GLRB: variants seen among roughly 807,000 people sequenced by gnomAD.
GLRB encodes the protein glycine receptor subunit beta.
In GLRB, 33 loss-of-function variants were observed where a neutral mutation model predicts 54.2. The ratio of observed to expected loss-of-function variants is 0.61; its 90% confidence interval spans 0.46 to 0.81. The LOEUF (loss-of-function observed/expected upper bound fraction) is 0.81, where lower values mean the gene tolerates loss of function less well. GLRB is among the 40% of genes least tolerant of loss of function. The pLI is 0.00. For synonymous variants in GLRB, 209 were observed against 208.2 expected (o/e 1.00, Z -0.03); for missense variants, 572 against 584.6 (o/e 0.98, Z 0.22).
At chr4:157,121,094 C>G (rs771210396) in intron 3 of GLRB, among the ~76,000 whole-genome samples, 11 of 151,504 alleles carry the variant, frequency 7.3e-5, no homozygotes, top group Non-Finnish European at 1.2e-4. Flanking sequence ...TAGAGTCTTT[C>G]TTACTTTTTG....
intron 9 of GLRB, among the ~76,000 whole-genome samples, chr4:157,163,496 A>C (rs1737592936): frequency 6.6e-6 from 1 of 151,690 alleles, no homozygotes; most frequent in Non-Finnish European, 1.5e-5. Context: ...TGGCCCCCTC[A>C]CCTCTTGGAC....
chr4:157,102,303 A>G (rs1487504290), intron 2 of GLRB, among the ~76,000 whole-genome samples: 5 of 152,322 alleles, frequency 3.3e-5, no homozygotes, highest in African/African-American at 4.8e-5. Context: ...TTCATCTTGT[A>G]TAATTAAAAC....
chr4:157,157,497 C>T lies in GLRB; in HGVS notation c.1197+4487C>T, dbSNP rs192795353. 7.2e-5 allele frequency among the ~76,000 whole-genome samples: 11 copies of T among 152,232 alleles called. No individual in the cohort carries two copies. The South Asian group carries it at 1.7e-3, about 23-fold the overall frequency. On this transcript the variant is annotated intron_variant, in intron 9 of 9. Transcript: ENST00000264428. ...TAATGCTATCCCTCCCCGCTCCCCC[C>T]ACCCCACGACAGGCCCTGGTGTGTG...
At chr4:157,096,213 G>A (rs1314584053) in intron 2 of GLRB, among the ~76,000 whole-genome samples, 1 of 152,194 alleles carries the variant, frequency 6.6e-6, no homozygotes, top group Non-Finnish European at 1.5e-5. Context: ...GTCTGGGGAA[G>A]GCCTGGCTAG....
chr4:157,156,050 T>C (rs776886287), intron 9 of GLRB, among the ~76,000 whole-genome samples: 2 of 152,190 alleles, frequency 1.3e-5, no homozygotes, highest in African/African-American at 2.4e-5. Context: ...GGACATTTAT[T>C]AATTTTGCTT....
chr4:157,109,117 T>C (rs532604285), intron 2 of GLRB, among the ~76,000 whole-genome samples: 1 of 152,112 alleles, frequency 6.6e-6, no homozygotes, highest in Non-Finnish European at 1.5e-5. Flanking sequence ...CCAAAACATT[T>C]GTATGACTAA....
chr4:157,096,559 C>T (rs1012579485), intron 2 of GLRB, among the ~76,000 whole-genome samples: 5 of 152,182 alleles, frequency 3.3e-5, no homozygotes, highest in African/African-American at 1.2e-4. Flanking sequence ...TATCCAGATG[C>T]CACCACATTT....
intron 3 of GLRB, 91 bp downstream of exon 3, chr4:157,120,753 T>G: frequency 1.5e-6 from 1 of 647,246 alleles, no homozygotes; most frequent in Non-Finnish European, 2.8e-6. Context: ...TGTATATGCT[T>G]TGTGATATTC....
chr4:157,162,361 A>T (rs1737532226), intron 9 of GLRB, among the ~76,000 whole-genome samples: 1 of 152,174 alleles, frequency 6.6e-6, no homozygotes, highest in Non-Finnish European at 1.5e-5. Context: ...TTCTCCATCC[A>T]GCTTTGTTCC....
chr4:157,143,737 G>T (rs1736700213), intron 7 of GLRB, 70 bp from the exon 8 acceptor site: 1 of 1,459,504 alleles, frequency 6.9e-7, no homozygotes. Flanking sequence ...CCGTTTCCAG[G>T]TCTGTCATTG....
intron 2 of GLRB, among the ~76,000 whole-genome samples, chr4:157,112,855 C>A (rs1735471803): frequency 1.3e-5 from 2 of 151,962 alleles, no homozygotes; most frequent in Admixed American, 1.3e-4. Context: ...TTCCCAGGAG[C>A]AAGCTCATTC....
chr4:157,146,835 A>C (rs977461357), intron 8 of GLRB, among the ~76,000 whole-genome samples: 14 of 145,592 alleles, frequency 9.6e-5, no homozygotes, highest in African/African-American at 3.6e-4. Flanking sequence ...CTCCCCCCGC[A>C]AAAAAAAAAA....
chr4:157,084,415 T>G (rs548883709), intron 2 of GLRB, among the ~76,000 whole-genome samples: 1 of 152,214 alleles, frequency 6.6e-6, no homozygotes, highest in Non-Finnish European at 1.5e-5. Flanking sequence ...AACAAGTCCT[T>G]AAGTGTTGAG....
chr4:157,157,465 G>T (rs142406208), intron 9 of GLRB, among the ~76,000 whole-genome samples: 6,917 of 152,140 alleles, frequency 0.045, 240 homozygotes, highest in African/African-American at 0.097. Context: ...ACATTAGGTA[G>T]ATCTCCTAAT....
intron 2 of GLRB, among the ~76,000 whole-genome samples, chr4:157,107,674 A>G (rs1218945330): frequency 1.3e-5 from 2 of 152,140 alleles, no homozygotes; most frequent in Non-Finnish European, 2.9e-5. Context: ...AGCCATTTGC[A>G]TAACACAAAC....
chr4:157,130,208 C>T (rs1736162872), intron 4 of GLRB, among the ~76,000 whole-genome samples: 1 of 151,598 alleles, frequency 6.6e-6, no homozygotes, highest in Non-Finnish European at 1.5e-5. Flanking sequence ...TTTTGATACA[C>T]CACTGTATCG....
intron 2 of GLRB, among the ~76,000 whole-genome samples, chr4:157,105,978 T>C (rs1735209524): frequency 6.6e-6 from 1 of 152,102 alleles, no homozygotes; most frequent in Admixed American, 6.6e-5. Context: ...TAATATGATA[T>C]TCTTTATTAG....
Position 157,170,455 on chromosome 4 carries a change from A to C in GLRB, c.1221A>C (p.Lys407Asn). ...AGGTTGGTGAGACCAGATGCAAAAA[A>C]GTTTGTACTTCTAAGTCTGATCTGA... ...TLQVGETRCK[K>N]VCTSKSDLRS... Residue 407 changes from lysine to asparagine, a missense_variant, in exon 10 of 10, where the codon AAA becomes AAC. Physicochemically the swap from Lys to Asn is moderately conservative, Grantham distance 94. Transcript: ENST00000264428. 2 of 1,606,608 alleles carry C rather than the reference A, an allele frequency of 1.2e-6. No homozygotes were observed. The highest frequency in any genetic ancestry group is 1.7e-6 in the Non-Finnish European group (2 of 1,173,524).
chr4:157,153,427 A>C (rs1737102886), intron 9 of GLRB, among the ~76,000 whole-genome samples: 1 of 152,104 alleles, frequency 6.6e-6, no homozygotes, highest in South Asian at 2.1e-4. Context: ...AGGCTTGGAG[A>C]AGCCCATGCT....
Sources: allele counts gnomAD v4.1 joint callset (sites outside exome capture counted in the v4.1 genomes callset), GRCh38; gene constraint gnomAD v4.1.1; transcripts MANE v1.5; gene names NCBI Gene and HGNC (gene_info 2026-07-23, HGNC 2026-07-21).